The following DPY19L1 variants were observed in gnomAD, a reference collection of about 807,000 sequenced individuals.
DPY19L1 encodes the protein protein C-mannosyl-transferase DPY19L1.
DPY19L1 carries 35 observed loss-of-function variants against 96.9 expected under a neutral mutation model. The ratio of observed to expected loss-of-function variants is 0.36; its 90% CI spans 0.28 to 0.48. The LOEUF (loss-of-function observed/expected upper bound fraction) is 0.48. Among genes scored for constraint, DPY19L1 ranks in the 20% least tolerant of loss-of-function variants. DPY19L1 has a pLI of 0.99. For synonymous variants in DPY19L1, 205 were observed against 252.6 expected (o/e 0.81, Z 1.79); for missense variants, 521 against 777.9 (o/e 0.67, Z 3.93).
chr7:35,013,237 C>A (rs1454977795), intron 4 of DPY19L1, among the ~76,000 whole-genome samples: 1 of 152,174 alleles, frequency 6.6e-6, no homozygotes, highest in African/African-American at 2.4e-5. Flanking sequence ...AGAAAGTGCA[C>A]TCAATTAAAT....
chr7:34,968,480 T>A (rs1461647865), intron 9 of DPY19L1, among the ~76,000 whole-genome samples: 2 of 152,064 alleles, frequency 1.3e-5, no homozygotes, highest in Non-Finnish European at 2.9e-5. Context: ...CTAAAAAATA[T>A]TAAAAAGCAG....
At chr7:35,016,054 TTTC>T (rs1456873866) in intron 3 of DPY19L1, among the ~76,000 whole-genome samples, 7 of 145,474 alleles carry the variant, frequency 4.8e-5, no homozygotes, top group African/African-American at 1.7e-4. Context: ...AAATTCATGA[TTTC>T]TTTTCTCTTT....
intron 4 of DPY19L1, 41 bp downstream of exon 4, chr7:35,013,527 T>G: frequency 6.3e-7 from 1 of 1,582,836 alleles, no homozygotes; most frequent in Non-Finnish European, 8.6e-7. Context: ...CAAAAAAGTT[T>G]TTACAAAAGT....
At chr7:35,037,523 C>T (rs997027417), upstream of DPY19L1, 5 of 314,940 alleles carry the variant, frequency 1.6e-5, no homozygotes, top group African/African-American at 1.1e-4. Context: ...GCGGGCTCGT[C>T]CCTCCCCGCG....
In DPY19L1 at chr7:34,972,706, C is replaced by G. The variant is rs1017142625; in HGVS notation, c.914+808G>C. On this transcript the variant is annotated intron_variant, in intron 8 of 21. Coordinates refer to ENST00000638088, the MANE Select transcript of DPY19L1 (RefSeq NM_001366673.1). ...AAGGTTATGAATTCATAGAGGTTCA[C>G]CTTATTTGAAGGTGCTAAAGAAGTT... Among the ~76,000 whole-genome samples the G allele has an allele frequency of 1.5e-4, 23 of 152,278 alleles. 1 individual carries two copies. Among genetic ancestry groups the G allele is most frequent in the African/African-American group, 5.1e-4 (21 of 41,564 alleles).
chr7:34,937,301 T>C (rs1783889238), intron 21 of DPY19L1, among the ~76,000 whole-genome samples: 1 of 152,230 alleles, frequency 6.6e-6, no homozygotes, highest in Non-Finnish European at 1.5e-5. Flanking sequence ...AATTTCATTC[T>C]GAGTTTTTGC....
chr7:34,967,855 C>T (rs1412497188), intron 9 of DPY19L1, among the ~76,000 whole-genome samples: 1 of 152,154 alleles, frequency 6.6e-6, no homozygotes, highest in Non-Finnish European at 1.5e-5. Context: ...AACAAAGTTT[C>T]CCTTTATTCA....
intron 3 of DPY19L1, among the ~76,000 whole-genome samples, chr7:35,014,685 T>C (rs1785800484): frequency 6.6e-6 from 1 of 152,198 alleles, no homozygotes; most frequent in Non-Finnish European, 1.5e-5. Flanking sequence ...TGTTTCCTTG[T>C]GTACTGATTT....
chr7:34,932,008 T>G (rs1238515413), intron 21 of DPY19L1, among the ~76,000 whole-genome samples: 2 of 152,192 alleles, frequency 1.3e-5, no homozygotes, highest in Non-Finnish European at 1.5e-5. Flanking sequence ...AAACTCTGCC[T>G]CAGCTACTTA....
rs573411766 is a variant in DPY19L1 at position 34,949,703 on chromosome 7, A to C, written c.1422+94T>G. On this transcript the variant is annotated intron_variant, in intron 14 of 21. Transcript: ENST00000638088. ...TTTCCTTTTCCTTCAAACTGAGATA[A>C]CAGCACATAAAGAGTCTGATATAAG... is the stretch of plus-strand genomic sequence containing the variant. The C allele has an allele frequency of 1.1e-4, 86 of 765,418 alleles. No homozygotes were observed. In the Middle Eastern group the frequency reaches 1.4e-3, roughly 12 times the overall value. 47.4% of individuals were successfully genotyped at this position (765,418 alleles called of 1,614,324 possible).
chr7:35,029,833 C>CA (rs1394820038), intron 1 of DPY19L1, among the ~76,000 whole-genome samples: 1 of 152,154 alleles, frequency 6.6e-6, no homozygotes, highest in East Asian at 1.9e-4. Context: ...GTGCCTTTGA[C>CA]AGATGCCTTA....
At chr7:34,960,902 T>C (rs946011446) in intron 10 of DPY19L1, among the ~76,000 whole-genome samples, 65 of 152,224 alleles carry the variant, frequency 4.3e-4, no homozygotes, top group African/African-American at 1.4e-3. Context: ...ATCATATTAA[T>C]AGAATTTCTA....
chr7:34,972,916 T>C (rs1190825297), intron 8 of DPY19L1, among the ~76,000 whole-genome samples: 5 of 152,124 alleles, frequency 3.3e-5, no homozygotes, highest in South Asian at 2.1e-4. Context: ...CAGAGGGAAA[T>C]AGATTGCCCA....
chr7:35,002,608 C>T (rs1785454878), intron 6 of DPY19L1, among the ~76,000 whole-genome samples: 1 of 152,124 alleles, frequency 6.6e-6, no homozygotes, highest in Admixed American at 6.5e-5. Context: ...AGCAGATCTA[C>T]ACTGAGACAT....
intron 13 of DPY19L1, 169 bp downstream of exon 13, chr7:34,954,529 G>A (rs3956710): frequency 7.5e-6 from 3 of 399,846 alleles, no homozygotes; most frequent in East Asian, 4.5e-5. Context: ...TTTGGAGAAC[G>A]AAAATCTATA....
intron 3 of DPY19L1, among the ~76,000 whole-genome samples, chr7:35,016,713 T>C (rs1408083453): frequency 1.3e-5 from 2 of 152,148 alleles, no homozygotes; most frequent in Admixed American, 6.5e-5. Context: ...CCTGATACAA[T>C]AGAAGTATAC....
intron 11 of DPY19L1, 24 bp downstream of exon 11, chr7:34,957,960 A>G (rs751323283): frequency 7.7e-5 from 113 of 1,461,386 alleles, no homozygotes; most frequent in Non-Finnish European, 1.0e-4. Flanking sequence ...AAAAACAGCC[A>G]TATAAGTGTT....
intron 1 of DPY19L1, among the ~76,000 whole-genome samples, chr7:35,025,213 C>CT (rs1786093489): frequency 6.6e-6 from 1 of 152,198 alleles, no homozygotes; most frequent in Middle Eastern, 3.4e-3. Flanking sequence ...CTCCTAGTGC[C>CT]TAGATTTTTG....
intron 6 of DPY19L1, among the ~76,000 whole-genome samples, chr7:35,004,950 T>C (rs1316179390): frequency 1.3e-5 from 2 of 152,126 alleles, no homozygotes; most frequent in Non-Finnish European, 2.9e-5. Flanking sequence ...CACTGTTTTC[T>C]CCAGAAGACC....
Sources: allele counts gnomAD v4.1 joint callset (sites outside exome capture counted in the v4.1 genomes callset), GRCh38; gene constraint gnomAD v4.1.1; transcripts MANE v1.5; gene names NCBI Gene and HGNC (gene_info 2026-07-23, HGNC 2026-07-21).